Variants in KLHL1 observed in about 807,000 individuals in gnomAD.
KLHL1 encodes the protein kelch-like protein 1.
Under a neutral mutation model 77.7 loss-of-function variants are expected in KLHL1, and 47 were observed. The observed-to-expected ratio is 0.60, with a 90% CI of 0.48 to 0.77. The LOEUF is 0.77. Among genes scored for constraint, KLHL1 ranks in the 30% least tolerant of loss-of-function variants. KLHL1 has a pLI of 0.00. For synonymous variants in KLHL1, 360 were observed against 325.2 expected (o/e 1.11, Z -1.15); for missense variants, 925 against 910.8 (o/e 1.02, Z -0.20).
intron 7 of KLHL1, among the ~76,000 whole-genome samples, chr13:69,754,885 C>T (rs1874640807): frequency 6.6e-6 from 1 of 152,050 alleles, no homozygotes; most frequent in African/African-American, 2.4e-5. Context: ...GATGAAATTC[C>T]ACTGTTCTTT....
At position 69,707,808 on chromosome 13, in the gene KLHL1, T is replaced by C; in HGVS notation, c.2016-12A>G. On this transcript the variant is annotated splice_polypyrimidine_tract_variant and intron_variant, in intron 9 of 10. Transcript: ENST00000377844. ...TTTTGGGATCATATCTAAAATTCAA[T>C]GACAATAGTACATAACATATTCTAA... 5 of 1,610,384 alleles carry C rather than the reference T, an allele frequency of 3.1e-6. No individual in the cohort carries two copies. The highest frequency in any genetic ancestry group is 4.2e-6 in the Non-Finnish European group (5 of 1,177,480).
chr13:69,780,926 G>T (rs1442862356), intron 7 of KLHL1, among the ~76,000 whole-genome samples: 1 of 151,516 alleles, frequency 6.6e-6, no homozygotes, highest in Non-Finnish European at 1.5e-5. Flanking sequence ...ATACAAAGCG[G>T]CAGATTTCTC....
intron 4 of KLHL1, among the ~76,000 whole-genome samples, chr13:69,902,908 A>C (rs1881918828): frequency 6.6e-6 from 1 of 152,134 alleles, no homozygotes; most frequent in Non-Finnish European, 1.5e-5. Context: ...AGTATAATAA[A>C]AAATAAATAA....
intron 4 of KLHL1, 129 bp downstream of exon 4, chr13:69,939,911 C>G: frequency 1.7e-6 from 1 of 604,990 alleles, no homozygotes; most frequent in Non-Finnish European, 2.7e-6. Context: ...TAGTTCATAA[C>G]AAAAAAATGT....
chr13:69,986,573 A>G (rs1173958386), intron 1 of KLHL1, among the ~76,000 whole-genome samples: 1 of 152,066 alleles, frequency 6.6e-6, no homozygotes, highest in Non-Finnish European at 1.5e-5. Context: ...TTAGAAAACT[A>G]TGCGAATTAC....
intron 6 of KLHL1, among the ~76,000 whole-genome samples, chr13:69,814,739 G>A (rs536798199): frequency 8.5e-5 from 13 of 152,272 alleles, no homozygotes; most frequent in African/African-American, 2.2e-4. Flanking sequence ...AAGGCTGGGC[G>A]TGGTAACTCA....
At chr13:69,796,514 GC>G (rs1451345679) in intron 7 of KLHL1, among the ~76,000 whole-genome samples, 1 of 152,004 alleles carries the variant, frequency 6.6e-6, no homozygotes, top group Non-Finnish European at 1.5e-5. Flanking sequence ...GCCTCCCTTT[GC>G]CTTCTGTCAT....
At chr13:69,701,845 A>T (rs1875410706) in intron 10 of KLHL1, 84 bp from the exon 11 acceptor site, 2 of 979,740 alleles carry the variant, frequency 2.0e-6, no homozygotes, top group South Asian at 3.4e-5. Flanking sequence ...ATCTACATGA[A>T]AATCATAAAT....
chr13:69,903,800 C>A (rs1200175984), intron 4 of KLHL1, among the ~76,000 whole-genome samples: 2 of 151,440 alleles, frequency 1.3e-5, no homozygotes, highest in Non-Finnish European at 2.9e-5. Flanking sequence ...TACCACCATG[C>A]CCAGCTAATT....
rs185901338 is a variant in KLHL1 at position 69,985,395 on chromosome 13, A to G, written c.498-9593T>C. The stretch of plus-strand genomic sequence containing the variant: ...ATATGAAGAAAAATGAAAAATGCTC[A>G]ACTTCATTAATCATCAGATAAATGC... On this transcript the variant is annotated intron_variant, in intron 1 of 10. Transcript: ENST00000377844. Among the ~76,000 whole-genome samples the G allele has an allele frequency of 6.3e-3, 964 of 152,232 alleles. 9 individuals carry two copies. The highest frequency in any genetic ancestry group is 0.022 in the African/African-American group (904 of 41,562).
chr13:69,727,535 G>C (rs968270411), intron 8 of KLHL1, among the ~76,000 whole-genome samples: 11 of 152,188 alleles, frequency 7.2e-5, no homozygotes, highest in Middle Eastern at 6.8e-3. Context: ...TGGGACATCA[G>C]GTGGTTGTAA....
intron 6 of KLHL1, among the ~76,000 whole-genome samples, chr13:69,834,185 T>G (rs1386835140): frequency 6.6e-6 from 1 of 151,896 alleles, no homozygotes; most frequent in Non-Finnish European, 1.5e-5. Context: ...AAATCACCAC[T>G]AAAGAACTTA....
At chr13:69,703,432 T>G (rs1875489087) in intron 10 of KLHL1, among the ~76,000 whole-genome samples, 1 of 147,946 alleles carries the variant, frequency 6.8e-6, no homozygotes. Context: ...TTTTTAAAAA[T>G]TTAAGAGTTT....
intron 7 of KLHL1, among the ~76,000 whole-genome samples, chr13:69,757,100 A>G (rs1163115648): frequency 6.6e-6 from 1 of 152,176 alleles, no homozygotes; most frequent in Admixed American, 6.6e-5. Context: ...AATTTTACCC[A>G]GTCCAAGCGA....
intron 5 of KLHL1, among the ~76,000 whole-genome samples, chr13:69,849,788 G>C (rs973727212): frequency 1.3e-5 from 2 of 151,322 alleles, no homozygotes; most frequent in African/African-American, 4.8e-5. Flanking sequence ...CCCATGATTT[G>C]CTCAAGAACT....
At chr13:69,935,113 T>C (rs1471052213) in intron 4 of KLHL1, among the ~76,000 whole-genome samples, 3 of 151,506 alleles carry the variant, frequency 2.0e-5, no homozygotes, top group East Asian at 3.9e-4. Flanking sequence ...TTTCATTCAA[T>C]ATATTAACCT....
At chr13:70,091,725 G>A (rs557477839) in intron 1 of KLHL1, among the ~76,000 whole-genome samples, 31 of 152,186 alleles carry the variant, frequency 2.0e-4, no homozygotes, top group East Asian at 1.7e-3. Context: ...ACCAGTTCCA[G>A]GAGACTGCTG....
At chr13:69,926,864 G>A (rs926385571) in intron 4 of KLHL1, among the ~76,000 whole-genome samples, 6 of 140,138 alleles carry the variant, frequency 4.3e-5, no homozygotes, top group South Asian at 2.3e-4. Flanking sequence ...GGAGAATGGC[G>A]TGAACCTGGG....
At chr13:69,975,902 A>G (rs1302385115) in intron 1 of KLHL1, 100 bp from the exon 2 acceptor site, 8 of 1,309,010 alleles carry the variant, frequency 6.1e-6, no homozygotes, top group Admixed American at 3.7e-5. Flanking sequence ...CATTTTCTTA[A>G]GAAAACTAAT....
Sources: allele counts gnomAD v4.1 joint callset (sites outside exome capture counted in the v4.1 genomes callset), GRCh38; gene constraint gnomAD v4.1.1; transcripts MANE v1.5; gene names NCBI Gene and HGNC (gene_info 2026-07-23, HGNC 2026-07-21).